Variants in FHAD1 observed in about 807,000 individuals in gnomAD.
FHAD1 encodes the protein forkhead associated phosphopeptide binding domain 1.
A neutral mutation model predicts 191.3 loss-of-function variants in FHAD1; 146 were observed. The observed-to-expected ratio is 0.76, with a 90% CI of 0.67 to 0.88. The LOEUF (loss-of-function observed/expected upper bound fraction) is 0.88. Ranked by LOEUF, FHAD1 falls within the 40% of genes least tolerant of loss-of-function variation. FHAD1 has a pLI of 0.00. For missense variants in FHAD1, 1,635 were observed against 1,785.8 expected (o/e 0.92, Z 1.52); for synonymous variants, 616 against 672.3 (o/e 0.92, Z 1.29).
chr1:15,280,613 G>C (rs1660268895), intron 3 of FHAD1, among the ~76,000 whole-genome samples: 1 of 152,116 alleles, frequency 6.6e-6, no homozygotes, highest in African/African-American at 2.4e-5. Context: ...AACCGTGGCT[G>C]TTTCCTGCAG....
chr1:15,284,478 C>A (rs867985372), intron 3 of FHAD1, among the ~76,000 whole-genome samples: 55 of 118,634 alleles, frequency 4.6e-4, no homozygotes, highest in Middle Eastern at 4.5e-3. Flanking sequence ...GACTCCATCT[C>A]AAAAAAAAAA....
chr1:15,362,019 AAG>A (rs1243600312), intron 22 of FHAD1, among the ~76,000 whole-genome samples: 1 of 147,316 alleles, frequency 6.8e-6, no homozygotes, highest in Non-Finnish European at 1.5e-5. Context: ...AAAAAAAAGA[AAG>A]AGAGAGATTG....
chr1:15,314,085 TAATAATAA>T (rs1673185941), intron 8 of FHAD1, among the ~76,000 whole-genome samples: 1 of 148,180 alleles, frequency 6.7e-6, no homozygotes, highest in African/African-American at 2.5e-5. Flanking sequence ...ATAATAATAA[TAATAATAA>T]TAATAATAAC....
At position 15,329,562 on chromosome 1, in the gene FHAD1, C is replaced by T; in HGVS notation, c.1906+21C>T. 1 of 1,546,714 alleles carries T rather than the reference C, an allele frequency of 6.5e-7. No individual in the cohort carries two copies. On this transcript the variant is annotated intron_variant, in intron 14 of 33. Coordinates refer to ENST00000688493, the MANE Select transcript of FHAD1 (RefSeq NM_001391957.1). The surrounding 1 kb of genome is among the most constrained non-coding windows in gnomAD (Gnocchi z 5.0). ...CAAAGGTTACTGGGACTTTTTTTCT[C>T]ACATGGTTGCATGACTCTAAAATGT...
intron 28 of FHAD1, among the ~76,000 whole-genome samples, chr1:15,376,395 C>T (rs1050918965): frequency 1.3e-5 from 2 of 152,164 alleles, no homozygotes; most frequent in East Asian, 1.9e-4. Flanking sequence ...CGGCCGATCA[C>T]GGGTGATATT....
At chr1:15,315,470 G>A (rs1039321260) in intron 8 of FHAD1, among the ~76,000 whole-genome samples, 2 of 148,358 alleles carry the variant, frequency 1.3e-5, no homozygotes, top group East Asian at 2.0e-4. Context: ...CCGGGTTATC[G>A]GACATGGGTG....
At chr1:15,376,389 C>T (rs1163921729) in intron 28 of FHAD1, among the ~76,000 whole-genome samples, 1 of 152,152 alleles carries the variant, frequency 6.6e-6, no homozygotes, top group African/African-American at 2.4e-5. Context: ...TGTGCCCGGC[C>T]GATCACGGGT....
intron 3 of FHAD1, among the ~76,000 whole-genome samples, chr1:15,273,736 T>C (rs1657102630): frequency 6.6e-6 from 1 of 152,196 alleles, no homozygotes; most frequent in Non-Finnish European, 1.5e-5. Context: ...GTAAAATACA[T>C]ATAACATGAA....
intron 18 of FHAD1, among the ~76,000 whole-genome samples, chr1:15,348,677 C>T (rs993750236): frequency 1.3e-5 from 2 of 152,118 alleles, no homozygotes; most frequent in Admixed American, 1.3e-4. Context: ...GCTGCCTGGC[C>T]TCGTGATAGG....
At chr1:15,376,085 ATTTATT>A (rs1558271437) in intron 28 of FHAD1, among the ~76,000 whole-genome samples, 31 of 125,406 alleles carry the variant, frequency 2.5e-4, no homozygotes, top group African/African-American at 1.1e-3. Context: ...TTATTTTTTT[ATTTATT>A]TTTTTATTTA....
chr1:15,343,169 G>A (rs1687424902), intron 16 of FHAD1, among the ~76,000 whole-genome samples: 1 of 152,080 alleles, frequency 6.6e-6, no homozygotes, highest in African/African-American at 2.4e-5. Flanking sequence ...TCATTTAGGA[G>A]ATTAAAAATT....
intron 14 of FHAD1, among the ~76,000 whole-genome samples, chr1:15,337,742 G>A (rs910393876): frequency 4.0e-5 from 6 of 151,584 alleles, no homozygotes; most frequent in African/African-American, 7.3e-5. Flanking sequence ...CCAGCCTCTC[G>A]AATGCAGCCC....
intron 3 of FHAD1, among the ~76,000 whole-genome samples, chr1:15,274,871 C>T (rs1407090297): frequency 1.3e-5 from 2 of 152,248 alleles, no homozygotes; most frequent in East Asian, 3.8e-4. Flanking sequence ...GAATTAAACT[C>T]TGTCTCCACT....
In FHAD1 at chr1:15,367,482, G is replaced by A; in HGVS notation, c.3174G>A (p.Gln1058=). 2 of 1,551,464 alleles carry A rather than the reference G, an allele frequency of 1.3e-6. No individual in the cohort carries two copies. Among genetic ancestry groups the A allele is most frequent in the South Asian group, 1.2e-5 (1 of 84,054 alleles). ...SDLRGELNEK[Q]KMELEQNVVL... ...TCGCAGGGGAGCTAAACGAGAAGCAGAAGATGGAACTGGAGCAGAACGTGG... is the reference window on the plus strand; with the variant it reads ...TCGCAGGGGAGCTAAACGAGAAGCAAAAGATGGAACTGGAGCAGAACGTGG... Residue 1058 remains glutamine, a synonymous_variant, in exon 25 of 34, where the codon CAG becomes CAA. Coordinates refer to ENST00000688493, the MANE Select transcript of FHAD1 (RefSeq NM_001391957.1).
At chr1:15,260,080 G>T (rs1231186418) in intron 2 of FHAD1, among the ~76,000 whole-genome samples, 1 of 152,180 alleles carries the variant, frequency 6.6e-6, no homozygotes, top group South Asian at 2.1e-4. Flanking sequence ...GGGAGAAATT[G>T]ATTGTCTTCG....
At chr1:15,268,089 C>T (rs934997663) in intron 2 of FHAD1, among the ~76,000 whole-genome samples, 3 of 150,380 alleles carry the variant, frequency 2.0e-5, no homozygotes, top group Non-Finnish European at 4.4e-5. Flanking sequence ...TGGTGTGCTG[C>T]ACCCATTAAC....
intron 20 of FHAD1, among the ~76,000 whole-genome samples, chr1:15,357,033 G>A (rs182198039): frequency 2.0e-3 from 308 of 152,128 alleles, no homozygotes; most frequent in African/African-American, 7.2e-3. Flanking sequence ...GCAGATGCCC[G>A]GCTGACCCAC....
intron 4 of FHAD1, among the ~76,000 whole-genome samples, chr1:15,294,497 G>A (rs377372851): frequency 9.2e-5 from 14 of 152,196 alleles, no homozygotes; most frequent in South Asian, 8.3e-4. Flanking sequence ...GGGTTCAAGC[G>A]ATTCTCCTGC....
intron 2 of FHAD1, among the ~76,000 whole-genome samples, chr1:15,271,791 G>A (rs1378353523): frequency 6.6e-6 from 1 of 151,960 alleles, no homozygotes; most frequent in Non-Finnish European, 1.5e-5. Flanking sequence ...GGTGAGGGTG[G>A]GATTATAAGT....
Sources: gnomAD v4.1 joint callset for allele counts (sites outside exome capture counted in the v4.1 genomes callset) on GRCh38, gnomAD v4.1.1 for gene constraint, Gnocchi (gnomAD v3.1) non-coding constraint, MANE v1.5 for transcripts, NCBI Gene and HGNC (gene_info 2026-07-23, HGNC 2026-07-21) for gene names.